The following POU6F2 variants were observed in gnomAD, a reference collection of about 807,000 sequenced individuals.
POU6F2 encodes the protein POU domain, class 6, transcription factor 2.
In POU6F2, 31 loss-of-function variants were observed where a neutral mutation model predicts 71.3. The ratio of observed to expected loss-of-function variants is 0.43; its 90% CI spans 0.33 to 0.59. POU6F2 has a LOEUF of 0.59. POU6F2 is among the 20% of genes least tolerant of loss of function. POU6F2 has a pLI of 0.04. For synonymous variants in POU6F2, 347 were observed against 355.7 expected, an observed-to-expected ratio of 0.98 and a Z score of 0.27; for missense variants, 783 against 856.8, an observed-to-expected ratio of 0.91 and a Z score of 1.07.
chr7:39,204,683 C>A (rs1190901938), intron 3 of POU6F2, among the ~76,000 whole-genome samples: 2 of 151,918 alleles, frequency 1.3e-5, no homozygotes, highest in Admixed American at 1.3e-4. Flanking sequence ...TTCAACCTTA[C>A]TATAGCCATT....
chr7:39,248,510 G>A (rs867821996), intron 4 of POU6F2, among the ~76,000 whole-genome samples: 16 of 152,104 alleles, frequency 1.1e-4, no homozygotes, highest in Admixed American at 3.9e-4. Flanking sequence ...CCACTACAGC[G>A]GGCGCCCAGA....
rs184821145 is a variant in POU6F2 at position 39,216,442 on chromosome 7, G to A, written c.598+8822G>A. Reference sequence around the variant, plus strand: ...TTTAAAATAGCAAATTAGGGCATACGAAAGAATGAATTCATTAATGTAACA... The same window carrying A: ...TTTAAAATAGCAAATTAGGGCATACAAAAGAATGAATTCATTAATGTAACA... On this transcript the variant is annotated intron_variant, in intron 4 of 9. Transcript: ENST00000518318. Among the ~76,000 whole-genome samples the A allele has an allele frequency of 1.5e-3, 234 of 152,244 alleles. 1 individual carries two copies. The highest frequency in any genetic ancestry group is 5.2e-3 in the African/African-American group (215 of 41,550).
At chr7:39,076,536 A>C (rs868640289) in intron 1 of POU6F2, among the ~76,000 whole-genome samples, 2 of 151,190 alleles carry the variant, frequency 1.3e-5, no homozygotes, top group African/African-American at 4.9e-5. Context: ...TTTTAAAAAG[A>C]AAAAGAAAAA....
At chr7:39,142,802 C>T (rs991919981) in intron 2 of POU6F2, among the ~76,000 whole-genome samples, 1 of 152,082 alleles carries the variant, frequency 6.6e-6, no homozygotes, top group Admixed American at 6.5e-5. Flanking sequence ...TAATTCATTC[C>T]CGAGTTAATG....
chr7:39,327,930 C>CT (rs998191266), intron 4 of POU6F2, among the ~76,000 whole-genome samples: 12 of 150,818 alleles, frequency 8.0e-5, no homozygotes, highest in African/African-American at 1.7e-4. Context: ...AATTGGGTTT[C>CT]TTTTTTTTGA....
chr7:39,262,385 A>C (rs1265090377), intron 4 of POU6F2, among the ~76,000 whole-genome samples: 10 of 152,192 alleles, frequency 6.6e-5, no homozygotes. Flanking sequence ...AAGTCCCAGC[A>C]GATGCTTACT....
intron 4 of POU6F2, among the ~76,000 whole-genome samples, chr7:39,221,908 TA>T (rs1794370754): frequency 6.6e-6 from 1 of 152,182 alleles, no homozygotes; most frequent in African/African-American, 2.4e-5. Context: ...TAAAAAACAT[TA>T]AAACGTTTTA....
At chr7:39,410,168 C>T (rs939976338) in intron 6 of POU6F2, among the ~76,000 whole-genome samples, 2 of 152,098 alleles carry the variant, frequency 1.3e-5, no homozygotes, top group Non-Finnish European at 2.9e-5. Context: ...GACAACACGG[C>T]GAATCTCTGC....
At chr7:39,027,917 A>G (rs1214758312) in intron 1 of POU6F2, among the ~76,000 whole-genome samples, 1 of 152,146 alleles carries the variant, frequency 6.6e-6, no homozygotes, top group Non-Finnish European at 1.5e-5. Flanking sequence ...GAAAATGCCA[A>G]TTTTTATTTC....
rs1794041027 is a variant in POU6F2, at chr7:39,207,476, A to G, written c.454A>G (p.Ile152Val). ...GPPALNQPIL[I>V]PFNMAGQLGG... The stretch of plus-strand genomic sequence containing the variant: ...CCCAGCCCTCAACCAGCCAATCCTC[A>G]TTCCCTTCAACATGGCGGGACAGCT... The change falls in exon 4 of 10, where the codon ATT becomes GTT. Residue 152 changes from isoleucine to valine, a missense_variant. This residue lies in a region of POU6F2 where 572 missense variants were observed against 572.9 expected (regional missense o/e 1.00). Coordinates refer to ENST00000518318, the MANE Select transcript of POU6F2 (RefSeq NM_001370959.1). 6.2e-7 allele frequency: 1 copy of G among 1,613,886 alleles called. No homozygotes were observed. The highest frequency in any genetic ancestry group is 8.5e-7 in the Non-Finnish European group (1 of 1,179,878).
intron 4 of POU6F2, among the ~76,000 whole-genome samples, chr7:39,280,464 C>T (rs977573822): frequency 2.0e-5 from 3 of 152,158 alleles, no homozygotes; most frequent in Non-Finnish European, 4.4e-5. Flanking sequence ...ATACAAGTTC[C>T]AAGATTAAAG....
At chr7:38,990,971 T>G (rs1408801950) in intron 1 of POU6F2, among the ~76,000 whole-genome samples, 2 of 152,054 alleles carry the variant, frequency 1.3e-5, no homozygotes, top group Non-Finnish European at 2.9e-5. Context: ...CACATCTCCC[T>G]TCCTTCAATA....
intron 1 of POU6F2, among the ~76,000 whole-genome samples, chr7:39,011,726 C>A (rs1336039528): frequency 2.7e-5 from 4 of 150,448 alleles, no homozygotes; most frequent in Non-Finnish European, 5.9e-5. Context: ...CTGGTGGTGA[C>A]AAAATCTCTC....
intron 2 of POU6F2, among the ~76,000 whole-genome samples, chr7:39,200,208 C>G (rs1296586431): frequency 6.6e-6 from 1 of 152,118 alleles, no homozygotes; most frequent in Non-Finnish European, 1.5e-5. Flanking sequence ...TTCAGCCTTG[C>G]CTGGGTAACG....
intron 4 of POU6F2, among the ~76,000 whole-genome samples, chr7:39,230,865 A>G (rs1368924633): frequency 6.6e-6 from 1 of 152,164 alleles, no homozygotes; most frequent in African/African-American, 2.4e-5. Context: ...CATCCCAAAT[A>G]GATTTGTGTG....
intron 6 of POU6F2, among the ~76,000 whole-genome samples, chr7:39,410,600 G>A (rs577328931): frequency 2.9e-4 from 44 of 152,228 alleles, no homozygotes; most frequent in Admixed American, 2.0e-3. Flanking sequence ...GTGACGTCGG[G>A]CAAATTACTT....
At chr7:38,984,506 T>C (rs966155770) in intron 1 of POU6F2, 2 of 152,132 alleles carry the variant, frequency 1.3e-5, no homozygotes, top group African/African-American at 4.8e-5. Flanking sequence ...AGTTATTTTG[T>C]AAGCTTACCT....
At chr7:39,431,126 G>T (rs1225598627) in intron 6 of POU6F2, among the ~76,000 whole-genome samples, 1 of 152,112 alleles carries the variant, frequency 6.6e-6, no homozygotes, top group Non-Finnish European at 1.5e-5. Context: ...CTGATGCTGC[G>T]GGCCAGGCAT....
rs529253865 is a variant in POU6F2, at chr7:39,211,994, C to T, written c.598+4374C>T. Among the ~76,000 whole-genome samples, 500 of 149,174 alleles carry T rather than the reference C, an allele frequency of 3.4e-3. 5 individuals carry two copies. The highest frequency in any genetic ancestry group is 0.013 in the African/African-American group (488 of 38,598). On this transcript the variant is annotated intron_variant, in intron 4 of 9. Transcript: ENST00000518318. ...AGGAACTCTCCATTTTTCTCTGTCT[C>T]CATCATCTTTATCCTTATCTCCATG...
Sources: allele counts gnomAD v4.1 joint callset (sites outside exome capture counted in the v4.1 genomes callset), GRCh38; gene constraint gnomAD v4.1.1; regional missense constraint gnomAD v4.1.1; transcripts MANE v1.5; gene names NCBI Gene and HGNC (gene_info 2026-07-23, HGNC 2026-07-21).